Variants in RFX6 observed in about 807,000 individuals in gnomAD.
The protein encoded by RFX6 is DNA-binding protein RFX6.
In RFX6, 50 loss-of-function variants were observed where a neutral mutation model predicts 110.8. The ratio of observed to expected loss-of-function variants is 0.45; its 90% CI spans 0.36 to 0.57. The LOEUF is 0.57. Ranked by LOEUF, RFX6 falls within the 20% of genes least tolerant of loss-of-function variation. The pLI is 0.00. For missense variants in RFX6, 990 were observed against 1,127.0 expected (o/e 0.88, Z 1.74); for synonymous variants, 383 against 411.2 (o/e 0.93, Z 0.83).
chr6:116,877,620 C>A (rs1774491356), intron 1 of RFX6, 122 bp downstream of exon 1: 4 of 1,066,850 alleles, frequency 3.7e-6, no homozygotes, highest in Middle Eastern at 5.5e-4. Context: ...CTGTCCAAAT[C>A]TTTGTATTTC....
At chr6:116,891,866 A>G (rs1774838182) in intron 4 of RFX6, among the ~76,000 whole-genome samples, 1 of 152,104 alleles carries the variant, frequency 6.6e-6, no homozygotes, top group Non-Finnish European at 1.5e-5. Flanking sequence ...GTTTCCATTA[A>G]GTTTTCCATT....
chr6:116,896,126 G>A (rs547515137), intron 6 of RFX6, among the ~76,000 whole-genome samples: 1 of 152,294 alleles, frequency 6.6e-6, no homozygotes, highest in African/African-American at 2.4e-5. Flanking sequence ...CTTTGGTTGA[G>A]TAAAGTTTAT....
chr6:116,905,556 C>CTTTT (rs34779403), intron 6 of RFX6, among the ~76,000 whole-genome samples: 2 of 141,110 alleles, frequency 1.4e-5, no homozygotes, highest in Non-Finnish European at 3.1e-5. Flanking sequence ...AAAAGTGTTT[C>CTTTT]TTTTTTTTTT....
At chr6:116,890,121 A>G (rs1774788782) in intron 4 of RFX6, among the ~76,000 whole-genome samples, 1 of 152,154 alleles carries the variant, frequency 6.6e-6, no homozygotes, top group South Asian at 2.1e-4. Flanking sequence ...ATTGCAATAC[A>G]AAAGAGAGAT....
intron 13 of RFX6, 70 bp from the exon 14 acceptor site, chr6:116,923,037 A>C (rs1775634912): frequency 2.5e-6 from 2 of 812,506 alleles, no homozygotes; most frequent in African/African-American, 3.4e-5. Context: ...TTACTTCTTG[A>C]TCTAACACAG....
chr6:116,888,861 C>T (rs949653318), intron 4 of RFX6, among the ~76,000 whole-genome samples: 3 of 152,074 alleles, frequency 2.0e-5, no homozygotes, highest in Non-Finnish European at 2.9e-5. Flanking sequence ...TTTATGTACA[C>T]TTTGCATGAA....
Position 116,931,441 on chromosome 6 carries a change from G to C in RFX6, c.2722G>C (p.Glu908Gln), listed in dbSNP as rs1775882626. The change falls in exon 19 of 19, where the codon GAA (glutamate) becomes CAA (glutamine). Residue 908 changes from glutamate to glutamine, a missense_variant. This residue lies in a region of RFX6 where 438 missense variants were observed against 441.9 expected (regional missense o/e 0.99). Coordinates refer to ENST00000332958, the MANE Select transcript of RFX6 (RefSeq NM_173560.4). ...GGACTCCCATGGAACAAGCAGTAGAGAAATGGTGTCCTCTTTACCACCTAT... is the reference window on the plus strand; with the variant it reads ...GGACTCCCATGGAACAAGCAGTAGACAAATGGTGTCCTCTTTACCACCTAT... ...TLDSHGTSSR[E>Q]MVSSLPPINT... 6.2e-7 allele frequency: 1 copy of C among 1,613,390 alleles called. No homozygotes were observed. Among genetic ancestry groups the C allele is most frequent in the African/African-American group, 1.3e-5 (1 of 74,904 alleles).
Position 116,925,563 on chromosome 6 carries a change from A to G in RFX6, c.1789A>G (p.Thr597Ala). The change falls in exon 16 of 19, where the codon ACA (threonine) becomes GCA (alanine). Residue 597 changes from threonine to alanine, a missense_variant. Transcript: ENST00000332958. ...TGTGAAGAATGAAAGCCACGTGGAG[A>G]CAACCTATCTCCCTCTGCCATCCAG... The part of the protein sequence containing the change: ...DAVKNESHVE[T>A]TYLPLPSSQP... 1 of 1,614,034 alleles carries G rather than the reference A, an allele frequency of 6.2e-7. No individual in the cohort carries two copies. Among genetic ancestry groups the G allele is most frequent in the South Asian group, 1.1e-5 (1 of 91,080 alleles).
Position 116,892,994 on chromosome 6 carries a change from C to A in RFX6, c.567-993C>A, listed in dbSNP as rs149217376. Among the ~76,000 whole-genome samples the A allele has an allele frequency of 3.0e-4, 45 of 152,112 alleles. 1 individual carries two copies. Among genetic ancestry groups the A allele is most frequent in the African/African-American group, 1.0e-3 (43 of 41,506 alleles). On this transcript the variant is annotated intron_variant, in intron 4 of 18. Transcript: ENST00000332958. ...ATGGTGGCTCCTCAGTTTAAAGGATCCACTTTAAACTCAGATGGTGGTGCT... is the reference window on the plus strand; with the variant it reads ...ATGGTGGCTCCTCAGTTTAAAGGATACACTTTAAACTCAGATGGTGGTGCT...
intron 4 of RFX6, among the ~76,000 whole-genome samples, chr6:116,884,626 C>A (rs923145976): frequency 6.6e-6 from 1 of 151,970 alleles, no homozygotes; most frequent in Non-Finnish European, 1.5e-5. Context: ...GAAAAGAGGC[C>A]GAGCAATGAA....
Position 116,928,953 on chromosome 6 carries a change from T to G in RFX6, c.2593T>G (p.Cys865Gly). The change falls in exon 18 of 19, where the codon TGT becomes GGT. Residue 865 changes from cysteine (C) to glycine (G), a missense_variant. Cys to Gly is a radical substitution (Grantham distance 159). Around this residue, in one of 5 missense-constraint regions of RFX6, gnomAD observed 438 missense variants for 441.9 expected, o/e 0.99. Transcript: ENST00000332958. ...CACAGACACATCATCTCCAGTTGCA[T>G]GTCGAACTCCAGTCCTAGGTAAATT... ...FYTDTSSPVACRTPVLASSLQ... is the reference protein window; with the variant it reads ...FYTDTSSPVAGRTPVLASSLQ... 6.2e-7 allele frequency: 1 copy of G among 1,608,780 alleles called. No homozygotes were observed. The highest frequency in any genetic ancestry group is 8.5e-7 in the Non-Finnish European group (1 of 1,175,078).
chr6:116,920,254 T>A, intron 11 of RFX6, 56 bp from the exon 12 acceptor site: 1 of 1,412,152 alleles, frequency 7.1e-7, no homozygotes, highest in South Asian at 1.1e-5. Context: ...TAAAAATTTC[T>A]TCTAGATACA....
chr6:116,928,072 G>A (rs1453275499), intron 17 of RFX6, among the ~76,000 whole-genome samples: 4 of 90,390 alleles, frequency 4.4e-5, no homozygotes, highest in East Asian at 3.4e-4. Context: ...CCTAAATACC[G>A]CATATGTTAA....
At chr6:116,903,108 G>A (rs1775110521) in intron 6 of RFX6, among the ~76,000 whole-genome samples, 1 of 151,998 alleles carries the variant, frequency 6.6e-6, no homozygotes, top group South Asian at 2.1e-4. Context: ...AAATATATTA[G>A]TGGAATTAGA....
intron 10 of RFX6, 90 bp downstream of exon 10, chr6:116,918,176 T>C: frequency 1.1e-6 from 1 of 951,720 alleles, no homozygotes; most frequent in South Asian, 1.3e-5. Flanking sequence ...AGTAATTTAT[T>C]CATTTATCAA....
In RFX6 at chr6:116,916,217, T is replaced by G. The variant is rs770636874; in HGVS notation, c.875T>G (p.Leu292Ter). 3 of 1,612,684 alleles carry G rather than the reference T, an allele frequency of 1.9e-6. No homozygotes were observed. The highest frequency in any genetic ancestry group is 2.5e-6 in the Non-Finnish European group (3 of 1,178,950). ...TGCAACTAGATCCAGCATTTTTTAT[T>G]ACACTTTTGGCAAGGAATGCCTGAC... The part of the protein sequence containing the change: ...GNFEEIQHFL[L>*]HFWQGMPDHL... Residue 292 changes from leucine (L) to a stop codon, truncating the protein, a stop_gained, in exon 9 of 19, where the codon TTA becomes TGA. Transcript: ENST00000332958. LOFTEE classifies it high-confidence loss of function.
chr6:116,908,154 C>G (rs1775248221), intron 6 of RFX6, among the ~76,000 whole-genome samples: 1 of 152,034 alleles, frequency 6.6e-6, no homozygotes, highest in African/African-American at 2.4e-5. Context: ...TCCTCCATTA[C>G]CCACTACACT....
chr6:116,881,600 T>G (rs1169056331), intron 3 of RFX6, among the ~76,000 whole-genome samples: 2 of 152,118 alleles, frequency 1.3e-5, no homozygotes, highest in Non-Finnish European at 2.9e-5. Context: ...AAGCACTTAA[T>G]CTCTTTAAAA....
intron 6 of RFX6, among the ~76,000 whole-genome samples, chr6:116,900,948 C>G (rs544577557): frequency 3.3e-5 from 5 of 152,216 alleles, no homozygotes; most frequent in African/African-American, 1.2e-4. Flanking sequence ...GTTTGACTTA[C>G]AATTTTTCGA....
Sources: gnomAD v4.1 joint callset for allele counts (sites outside exome capture counted in the v4.1 genomes callset) on GRCh38, gnomAD v4.1.1 for gene constraint, gnomAD v4.1.1 regional missense constraint, MANE v1.5 for transcripts, NCBI Gene and HGNC (gene_info 2026-07-23, HGNC 2026-07-21) for gene names.